The following EPG5 variants were observed in gnomAD, a reference collection of about 807,000 sequenced individuals.
The protein encoded by EPG5 is ectopic P granules protein 5 homolog.
A neutral mutation model predicts 302.7 loss-of-function variants in EPG5; 159 were observed. The observed-to-expected ratio is 0.53, with a 90% CI of 0.46 to 0.60. The LOEUF (loss-of-function observed/expected upper bound fraction) is 0.60. Ranked by LOEUF, EPG5 falls within the 20% of genes least tolerant of loss-of-function variation. EPG5 has a pLI of 0.00. For missense variants in EPG5, 2,896 were observed against 3,092.4 expected (o/e 0.94, Z 1.51); for synonymous variants, 1,158 against 1,136.8 (o/e 1.02, Z -0.37).
chr18:45,832,563 C>A, the EPG5 span, among the ~76,000 whole-genome samples: 1 of 152,180 alleles, frequency 6.6e-6, no homozygotes, highest in Non-Finnish European at 1.5e-5. Context: ...TCCAGCTGTG[C>A]CAAAGCTAGC....
intron 23 of EPG5, 28 bp from the exon 24 acceptor site, chr18:45,908,109 A>G (rs2145643788): frequency 6.8e-7 from 1 of 1,466,082 alleles, no homozygotes; most frequent in East Asian, 2.4e-5. Flanking sequence ...AATTATACGA[A>G]ACATAAAAAG....
At chr18:45,815,075 G>C in the EPG5 span, among the ~76,000 whole-genome samples, 11 of 152,162 alleles carry the variant, frequency 7.2e-5, no homozygotes, top group African/African-American at 2.7e-4. Context: ...TTACAGTTGG[G>C]TAGACCTGCT....
chr18:45,893,793 T>C (rs1218485284), intron 27 of EPG5, among the ~76,000 whole-genome samples: 1 of 152,194 alleles, frequency 6.6e-6, no homozygotes, highest in African/African-American at 2.4e-5. Context: ...AGTATTAAGT[T>C]GTTTAAAAGC....
chr18:45,901,174 G>A lies in EPG5; in HGVS notation c.4475-7C>T. ...CTTAAAACCCTTTCTTTAGCTGAAAGAAAATTAAGTCATATATACTGAGCA... is the reference window on the plus strand; with the variant it reads ...CTTAAAACCCTTTCTTTAGCTGAAAAAAAATTAAGTCATATATACTGAGCA... On this transcript the variant is annotated splice_polypyrimidine_tract_variant and splice_region_variant and intron_variant, in intron 25 of 43. Transcript: ENST00000282041. 8 of 1,613,428 alleles carry A rather than the reference G, an allele frequency of 5.0e-6. No homozygotes were observed. Among genetic ancestry groups the A allele is most frequent in the Non-Finnish European group, 6.8e-6 (8 of 1,179,682 alleles).
intron 35 of EPG5, among the ~76,000 whole-genome samples, chr18:45,873,598 T>C (rs1236769513): frequency 6.6e-6 from 1 of 152,194 alleles, no homozygotes; most frequent in African/African-American, 2.4e-5. Flanking sequence ...CAATATATTC[T>C]GGATGGTAAA....
chr18:45,839,178 CT>C, the EPG5 span: 2 of 1,327,090 alleles, frequency 1.5e-6, no homozygotes, highest in South Asian at 2.1e-5. Flanking sequence ...GGCTGACCCC[CT>C]GGCACTGCCA....
the EPG5 span, among the ~76,000 whole-genome samples, chr18:45,802,115 C>G: frequency 6.6e-6 from 1 of 152,262 alleles, no homozygotes; most frequent in Admixed American, 6.5e-5. Flanking sequence ...TGGTGGAGTG[C>G]TGATGTGATG....
At chr18:45,958,553 A>C (rs1284643069) in intron 1 of EPG5, among the ~76,000 whole-genome samples, 1 of 152,254 alleles carries the variant, frequency 6.6e-6, no homozygotes, top group Non-Finnish European at 1.5e-5. Flanking sequence ...AAGAATGCCA[A>C]AACAATTCAA....
At chr18:45,809,154 C>T in the EPG5 span, among the ~76,000 whole-genome samples, 1 of 152,120 alleles carries the variant, frequency 6.6e-6, no homozygotes, top group Non-Finnish European at 1.5e-5. Flanking sequence ...TGATAAAAGG[C>T]CTTGTCCAAC....
intron 29 of EPG5, among the ~76,000 whole-genome samples, chr18:45,886,721 T>C (rs187211766): frequency 4.6e-5 from 7 of 152,312 alleles, no homozygotes; most frequent in African/African-American, 1.4e-4. Context: ...TGCAATAGCA[T>C]GATTTCCGCT....
At chr18:45,890,006 A>G in intron 27 of EPG5, 66 bp from the exon 28 acceptor site, 1 of 1,356,204 alleles carries the variant, frequency 7.4e-7, no homozygotes. Context: ...TGAAGACTCA[A>G]ACTGAAATAA....
rs1490567315 is a variant in EPG5, at chr18:45,884,713, G to A, written c.5208C>T (p.Pro1736=). 1.2e-6 allele frequency: 2 copies of A among 1,611,864 alleles called. No homozygotes were observed. The highest frequency in any genetic ancestry group is 1.1e-5 in the South Asian group (1 of 90,688). The change falls in exon 30 of 44, where the codon CCC becomes CCT. Residue 1736 remains proline, a synonymous_variant. Coordinates refer to ENST00000282041, the MANE Select transcript of EPG5 (RefSeq NM_020964.3). ...GTATGAACTCTGCAGGTGCAGCATT[G>A]GGAGTGAAGAAAGGAGACAGCAGGG... ...LCSLLSPFFT[P]NAAPAEFIQL... is the part of the protein sequence containing the mutation.
intron 35 of EPG5, among the ~76,000 whole-genome samples, chr18:45,875,967 G>A (rs1461490321): frequency 6.6e-6 from 1 of 151,544 alleles, no homozygotes; most frequent in African/African-American, 2.4e-5. Context: ...TGAGGCAGGA[G>A]AATTGCTTGA....
At chr18:45,902,077 G>A (rs1197615625) in intron 25 of EPG5, among the ~76,000 whole-genome samples, 1 of 152,184 alleles carries the variant, frequency 6.6e-6, no homozygotes, top group Non-Finnish European at 1.5e-5. Flanking sequence ...TTTCAAGTCA[G>A]TAAGTCAAGT....
At chr18:45,827,681 G>T in the EPG5 span, among the ~76,000 whole-genome samples, 1 of 152,184 alleles carries the variant, frequency 6.6e-6, no homozygotes, top group Non-Finnish European at 1.5e-5. Flanking sequence ...TACATCAAAG[G>T]CCCCCAGCAC....
rs755058164 is a variant in EPG5, at chr18:45,952,438, G to A, written c.1214C>T (p.Ala405Val). 2 of 1,614,140 alleles carry A rather than the reference G, an allele frequency of 1.2e-6. No individual in the cohort carries two copies. The highest frequency in any genetic ancestry group is 1.7e-6 in the Non-Finnish European group (2 of 1,180,020). Residue 405 changes from alanine (A) to valine (V), a missense_variant, in exon 3 of 44, where the codon GCT becomes GTT. Ala to Val is a moderately conservative substitution (Grantham distance 64). Transcript: ENST00000282041. ...SYIYALLSSS[A>V]VLRSSAIHQQ... ...GTGAATTGCTGAAGATCTCAGAACA[G>A]CTGAACTACTGAGCAATGCATAGAT...
At position 45,951,091 on chromosome 18, in the gene EPG5, T is replaced by C; in HGVS notation, c.1389+11A>G. On this transcript the variant is annotated intron_variant, in intron 4 of 43. Coordinates refer to ENST00000282041, the MANE Select transcript of EPG5 (RefSeq NM_020964.3). ...AAACAAAGACTACTGTGTCTATCTC[T>C]GTCCCCTTACCAATTTCTGCAGCCA... The C allele has an allele frequency of 6.4e-7, 1 of 1,563,880 alleles. No homozygotes were observed. The highest frequency in any genetic ancestry group is 8.6e-7 in the Non-Finnish European group (1 of 1,157,452).
At chr18:45,959,473 C>T (rs1398214042) in intron 1 of EPG5, among the ~76,000 whole-genome samples, 2 of 151,384 alleles carry the variant, frequency 1.3e-5, no homozygotes, top group African/African-American at 2.4e-5. Context: ...GGTGAAACCC[C>T]GTCTCTACTA....
chr18:45,869,814 C>T (rs2048831991), intron 36 of EPG5, among the ~76,000 whole-genome samples: 4 of 151,592 alleles, frequency 2.6e-5, no homozygotes, highest in Admixed American at 2.6e-4. Flanking sequence ...AGATCTGTAT[C>T]AAAGCACTTA....
Sources: gnomAD v4.1 joint callset for allele counts (sites outside exome capture counted in the v4.1 genomes callset) on GRCh38, gnomAD v4.1.1 for gene constraint, MANE v1.5 for transcripts, NCBI Gene and HGNC (gene_info 2026-07-23, HGNC 2026-07-21) for gene names.